DNAH9: variants seen among roughly 807,000 people sequenced by gnomAD.
DNAH9 encodes the protein dynein axonemal heavy chain 9.
A neutral mutation model predicts 471.6 loss-of-function variants in DNAH9; 345 were observed. The ratio of observed to expected loss-of-function variants is 0.73; its 90% CI spans 0.67 to 0.80. DNAH9 has a LOEUF of 0.80. Among genes scored for constraint, DNAH9 ranks in the 30% least tolerant of loss-of-function variants. The pLI, the probability that DNAH9 is intolerant of heterozygous loss-of-function variation, is 0.00. For synonymous variants in DNAH9, 2,093 were observed against 2,123.6 expected (o/e 0.99, Z 0.40); for missense variants, 5,407 against 5,609.2 (o/e 0.96, Z 1.15).
At position 11,797,846 on chromosome 17, in the gene DNAH9, C is replaced by A. The variant is rs1969302357; in HGVS notation, c.8420+53C>A. ...CTCAGTTGCTTCCTCTTCCCAATGACAGGGGTCTCATTCGGCTATTTGAGG... is the reference window on the plus strand; with the variant it reads ...CTCAGTTGCTTCCTCTTCCCAATGAAAGGGGTCTCATTCGGCTATTTGAGG... On this transcript the variant is annotated intron_variant, in intron 43 of 68. Transcript: ENST00000262442. 6 of 1,555,256 alleles carry A rather than the reference C, an allele frequency of 3.9e-6. No homozygotes were observed. The South Asian group carries it at 7.2e-5, about 19-fold the overall frequency.
Position 11,640,378 on chromosome 17 carries a change from C to T in DNAH9, c.1895C>T (p.Thr632Ile). The change falls in exon 10 of 69, where the codon ACA (threonine) becomes ATA (isoleucine). Residue 632 changes from threonine to isoleucine, a missense_variant. This residue lies in a region of DNAH9 where 4,636 missense variants were observed against 4,900.3 expected (regional missense o/e 0.95). Transcript: ENST00000262442. ...CCTTTCAGCAACTTTGGACGCATCA[C>T]ACACCCGTGAGTATTGTGTTCCTGA... ...QGPFSNFGRI[T>I]HPCMESAEGK... The T allele has an allele frequency of 1.2e-6, 2 of 1,602,152 alleles. No individual in the cohort carries two copies. The highest frequency in any genetic ancestry group is 1.7e-6 in the Non-Finnish European group (2 of 1,169,090).
chr17:11,608,691 C>G (rs549287225), intron 2 of DNAH9, among the ~76,000 whole-genome samples: 2 of 152,304 alleles, frequency 1.3e-5, no homozygotes, highest in African/African-American at 4.8e-5. Context: ...ATGCCTCTTC[C>G]CAGTGTTTAC....
intron 17 of DNAH9, 89 bp downstream of exon 17, chr17:11,669,883 G>A (rs572864539): frequency 4.4e-6 from 5 of 1,141,056 alleles, no homozygotes; most frequent in African/African-American, 3.1e-5. Context: ...TTCCCCATGG[G>A]TATGTTGGTT....
intron 19 of DNAH9, among the ~76,000 whole-genome samples, chr17:11,685,801 A>ATTTTTT (rs66577382): frequency 8.1e-6 from 1 of 123,626 alleles, no homozygotes; most frequent in Admixed American, 9.1e-5. Context: ...GGATACATTA[A>ATTTTTT]TTTTTTTTTT....
At chr17:11,698,356 T>C (rs1410125451) in intron 22 of DNAH9, among the ~76,000 whole-genome samples, 1 of 125,964 alleles carries the variant, frequency 7.9e-6, no homozygotes, top group Non-Finnish European at 1.6e-5. Flanking sequence ...ACTAATTATA[T>C]ATTATATATA....
At chr17:11,611,551 A>G in intron 3 of DNAH9, 99 bp from the exon 4 acceptor site, 1 of 1,275,000 alleles carries the variant, frequency 7.8e-7, no homozygotes, top group Non-Finnish European at 1.1e-6. Context: ...AAGCACCCCG[A>G]GGCAGGGCTC....
intron 26 of DNAH9, among the ~76,000 whole-genome samples, chr17:11,711,889 T>A (rs1221809780): frequency 2.3e-4 from 3 of 13,196 alleles, no homozygotes; most frequent in Non-Finnish European, 1.1e-3. Flanking sequence ...TATATATTTA[T>A]ATATAAATAT....
At position 11,874,993 on chromosome 17, in the gene DNAH9, G is replaced by T; in HGVS notation, c.10287G>T (p.Leu3429=). 6.2e-7 allele frequency: 1 copy of T among 1,614,152 alleles called. No homozygotes were observed. The highest frequency in any genetic ancestry group is 8.5e-7 in the Non-Finnish European group (1 of 1,180,016). Residue 3429 remains leucine, a synonymous_variant, in exon 53 of 69, where the codon CTG becomes CTT. Transcript: ENST00000262442. ...VTPALDPLRM[L]MDDADVAAWQ... The stretch of plus-strand genomic sequence containing the variant: ...CAGCCCTGGATCCCCTGAGGATGCT[G>T]ATGGATGATGCTGACGTGGCTGCCT...
In DNAH9 at chr17:11,790,120, GGT is replaced by G. The variant is rs200811345; in HGVS notation, c.8062-3382_8062-3381del. Among the ~76,000 whole-genome samples the G allele has an allele frequency of 8.1e-4, 50 of 61,798 alleles. No homozygotes were observed. The East Asian group carries it at 0.014, about 18-fold the overall frequency. 40.5% of individuals were successfully genotyped at this position (61,798 alleles called of 152,430 possible). On this transcript the variant is annotated intron_variant, in intron 41 of 68. Transcript: ENST00000262442. ...GTCCCAAGATATAATCGATGTGCAG[GGT>G]TTTTTTTTAATGCATTCTGCAGATA...
At chr17:11,805,095 G>C (rs1969617937) in intron 43 of DNAH9, among the ~76,000 whole-genome samples, 1 of 151,924 alleles carries the variant, frequency 6.6e-6, no homozygotes, top group Non-Finnish European at 1.5e-5. Flanking sequence ...GTCAACAAGG[G>C]TTGGGGGCCA....
chr17:11,685,929 C>T (rs184373996), intron 19 of DNAH9, among the ~76,000 whole-genome samples: 6 of 151,894 alleles, frequency 4.0e-5, no homozygotes, highest in Non-Finnish European at 8.8e-5. Flanking sequence ...TTCAGCCTCC[C>T]GAGTAGCTGG....
chr17:11,936,690 G>T (rs1341662857), intron 65 of DNAH9, among the ~76,000 whole-genome samples: 1 of 152,130 alleles, frequency 6.6e-6, no homozygotes, highest in African/African-American at 2.4e-5. Context: ...CTTAGCCGCT[G>T]GTTAGGATTT....
At chr17:11,767,452 A>G (rs1017964378) in intron 36 of DNAH9, among the ~76,000 whole-genome samples, 3 of 152,198 alleles carry the variant, frequency 2.0e-5, no homozygotes, top group African/African-American at 7.2e-5. Flanking sequence ...AAAGAATTCA[A>G]TCCTATTTAT....
Position 11,869,125 on chromosome 17 carries a change from C to A in DNAH9, c.9934-9C>A. 1 of 1,613,142 alleles carries A rather than the reference C, an allele frequency of 6.2e-7. No individual in the cohort carries two copies. Among genetic ancestry groups the A allele is most frequent in the Non-Finnish European group, 8.5e-7 (1 of 1,179,526 alleles). ...ATGACTGATGGTCCTTGTATTCCTT[C>A]CTAAACAGCACCTTAATGAAAACCT... On this transcript the variant is annotated splice_polypyrimidine_tract_variant and intron_variant, in intron 50 of 68. Transcript: ENST00000262442.
At chr17:11,757,853 A>T (rs1001232619) in intron 35 of DNAH9, among the ~76,000 whole-genome samples, 161 bp downstream of exon 35, 14 of 152,146 alleles carry the variant, frequency 9.2e-5, no homozygotes, top group African/African-American at 3.1e-4. Context: ...ACACATTAGG[A>T]TGGCCATGGG....
At position 11,669,066 on chromosome 17, in the gene DNAH9, T is replaced by A. The variant is rs746674946; in HGVS notation, c.2734T>A (p.Cys912Ser). Residue 912 changes from cysteine to serine, a missense_variant and splice_region_variant, in exon 16 of 69, where the codon TGT (cysteine) becomes AGT (serine). Around this residue, in one of 3 missense-constraint regions of DNAH9, gnomAD observed 4,636 missense variants for 4,900.3 expected, o/e 0.95. Transcript: ENST00000262442. ...SLKYLLENTE[C>S]KAGLTPIFEA... Reference sequence around the variant, plus strand: ...TGCTTGTTTTCTGTGTTTTTCAGAGTGTAAGGCAGGACTTACCCCAATATT... The same window carrying A: ...TGCTTGTTTTCTGTGTTTTTCAGAGAGTAAGGCAGGACTTACCCCAATATT... 2.5e-6 allele frequency: 4 copies of A among 1,608,080 alleles called. No homozygotes were observed. The South Asian group carries it at 4.4e-5, about 18-fold the overall frequency.
At chr17:11,700,472 C>G (rs980987287) in intron 23 of DNAH9, among the ~76,000 whole-genome samples, 1 of 152,148 alleles carries the variant, frequency 6.6e-6, no homozygotes, top group Non-Finnish European at 1.5e-5. Context: ...GCCTCCTTCC[C>G]ATCCATTAGC....
intron 40 of DNAH9, 134 bp from the exon 41 acceptor site, chr17:11,784,166 C>A: frequency 7.3e-7 from 1 of 1,371,478 alleles, no homozygotes; most frequent in Non-Finnish European, 1.0e-6. Flanking sequence ...TAAATTTGGG[C>A]ATAGTGTGAG....
At chr17:11,787,170 G>A (rs1286854556) in intron 41 of DNAH9, among the ~76,000 whole-genome samples, 1 of 152,220 alleles carries the variant, frequency 6.6e-6, no homozygotes, top group Non-Finnish European at 1.5e-5. Flanking sequence ...GCAAAGCCAC[G>A]TGGTGGAAGA....
Sources: gnomAD v4.1 joint callset for allele counts (sites outside exome capture counted in the v4.1 genomes callset) on GRCh38, gnomAD v4.1.1 for gene constraint, gnomAD v4.1.1 regional missense constraint, MANE v1.5 for transcripts, NCBI Gene and HGNC (gene_info 2026-07-23, HGNC 2026-07-21) for gene names.